Variants in IL1RAP observed in about 807,000 individuals in gnomAD.
IL1RAP encodes the protein interleukin 1 receptor accessory protein, also known as interleukin-1 receptor accessory protein.
Under a neutral mutation model 60.7 loss-of-function variants are expected in IL1RAP, and 35 were observed. The ratio of observed to expected loss-of-function variants is 0.58; its 90% CI spans 0.44 to 0.76. The LOEUF is 0.76. IL1RAP is among the 30% of genes least tolerant of loss of function. IL1RAP has a pLI of 0.00. For synonymous variants in IL1RAP, 268 were observed against 250.9 expected (o/e 1.07, Z -0.64); for missense variants, 572 against 693.9 (o/e 0.82, Z 1.97).
chr3:190,645,453 G>A (rs1733946554), intron 10 of IL1RAP, among the ~76,000 whole-genome samples: 1 of 152,088 alleles, frequency 6.6e-6, no homozygotes. Flanking sequence ...CAGTTGAATG[G>A]GACAAACCTC....
intron 6 of IL1RAP, among the ~76,000 whole-genome samples, chr3:190,620,870 A>C (rs1015705): frequency 0.68 from 103,876 of 152,068 alleles, 35,985 homozygotes; most frequent in East Asian, 0.81. Context: ...CTTTTGTCAA[A>C]AGAATGTTTT....
At chr3:190,633,126 A>G (rs1229200342) in intron 9 of IL1RAP, among the ~76,000 whole-genome samples, 1 of 152,156 alleles carries the variant, frequency 6.6e-6, no homozygotes, top group Non-Finnish European at 1.5e-5. Context: ...CCATTTCTAC[A>G]TAAAGGCCTG....
intron 3 of IL1RAP, among the ~76,000 whole-genome samples, chr3:190,571,981 A>G (rs1466067769): frequency 6.6e-6 from 1 of 152,206 alleles, no homozygotes; most frequent in East Asian, 1.9e-4. Context: ...AGATATACAA[A>G]TTATTGTTCC....
intron 3 of IL1RAP, among the ~76,000 whole-genome samples, chr3:190,578,869 G>A (rs1727732996): frequency 6.6e-6 from 1 of 152,134 alleles, no homozygotes; most frequent in Non-Finnish European, 1.5e-5. Context: ...GATCTCATGA[G>A]ACTATCATGA....
At chr3:190,619,727 C>CAAAA (rs113083710) in intron 5 of IL1RAP, among the ~76,000 whole-genome samples, 3 of 129,660 alleles carry the variant, frequency 2.3e-5, no homozygotes, top group African/African-American at 8.5e-5. Flanking sequence ...GACCCTATCT[C>CAAAA]AAAAAAAAAA....
chr3:190,521,452 A>G (rs1722010182), intron 1 of IL1RAP, among the ~76,000 whole-genome samples: 1 of 149,460 alleles, frequency 6.7e-6, no homozygotes, highest in South Asian at 2.1e-4. Context: ...CTCCAAGATT[A>G]TGTCATTTTT....
chr3:190,521,524 C>T (rs1374500535), intron 1 of IL1RAP, among the ~76,000 whole-genome samples: 1 of 151,666 alleles, frequency 6.6e-6, no homozygotes, highest in Non-Finnish European at 1.5e-5. Flanking sequence ...CTCCAGACTC[C>T]TTGCTTTCAC....
At chr3:190,551,488 C>T (rs1166172794) in intron 1 of IL1RAP, among the ~76,000 whole-genome samples, 1 of 152,180 alleles carries the variant, frequency 6.6e-6, no homozygotes, top group Non-Finnish European at 1.5e-5. Context: ...TTATTAAAGG[C>T]TGTAAATAGT....
intron 3 of IL1RAP, among the ~76,000 whole-genome samples, chr3:190,566,995 C>T (rs1298943016): frequency 6.6e-6 from 1 of 152,206 alleles, no homozygotes; most frequent in Non-Finnish European, 1.5e-5. Flanking sequence ...AACCCTAAAG[C>T]AATCTACATG....
At chr3:190,645,897 T>C in intron 11 of IL1RAP, 55 bp downstream of exon 11, 1 of 1,505,384 alleles carries the variant, frequency 6.6e-7, no homozygotes, top group Non-Finnish European at 9.1e-7. Flanking sequence ...GACAGAATCA[T>C]TAGTTTTGCA....
chr3:190,598,300 G>C (rs961939752), intron 3 of IL1RAP, among the ~76,000 whole-genome samples: 1 of 152,008 alleles, frequency 6.6e-6, no homozygotes, highest in Non-Finnish European at 1.5e-5. Flanking sequence ...GACTCCATTT[G>C]CTATCCAACT....
intron 1 of IL1RAP, among the ~76,000 whole-genome samples, chr3:190,525,172 C>G (rs931792251): frequency 4.0e-5 from 6 of 151,896 alleles, no homozygotes; most frequent in African/African-American, 1.5e-4. Flanking sequence ...AGACAACAGA[C>G]AAACAGAAGA....
At chr3:190,528,561 A>G (rs1722704274) in intron 1 of IL1RAP, among the ~76,000 whole-genome samples, 1 of 152,220 alleles carries the variant, frequency 6.6e-6, no homozygotes, top group South Asian at 2.1e-4. Flanking sequence ...TTGGACAATA[A>G]GCATTTTCTG....
intron 9 of IL1RAP, among the ~76,000 whole-genome samples, chr3:190,643,281 G>A (rs1438083788): frequency 6.6e-6 from 1 of 152,090 alleles, no homozygotes; most frequent in African/African-American, 2.4e-5. Context: ...TTCGAGCATA[G>A]ACTTGGAAAC....
intron 5 of IL1RAP, 134 bp downstream of exon 5, chr3:190,609,315 A>ACCAC: frequency 1.7e-6 from 1 of 583,170 alleles, no homozygotes; most frequent in Non-Finnish European, 2.8e-6. Context: ...GCTTTATGGA[A>ACCAC]GTATTTCAGC....
intron 3 of IL1RAP, among the ~76,000 whole-genome samples, chr3:190,571,492 G>T (rs1384352357): frequency 2.0e-5 from 3 of 152,028 alleles, no homozygotes; most frequent in African/African-American, 7.3e-5. Flanking sequence ...CTCCAGCCTG[G>T]GCGACAGAAC....
At chr3:190,612,278 T>G (rs1560212854) in intron 5 of IL1RAP, among the ~76,000 whole-genome samples, 1 of 152,088 alleles carries the variant, frequency 6.6e-6, no homozygotes, top group Admixed American at 6.6e-5. Context: ...AAAAATAATA[T>G]TAACAGTTTT....
chr3:190,634,454 A>T (rs1560233580), intron 9 of IL1RAP, among the ~76,000 whole-genome samples: 1 of 147,860 alleles, frequency 6.8e-6, no homozygotes, highest in African/African-American at 2.5e-5. Context: ...ATACCAGCGA[A>T]TTTTTTTTTT....
intron 1 of IL1RAP, among the ~76,000 whole-genome samples, chr3:190,545,546 T>C (rs184197648): frequency 1.3e-5 from 2 of 152,284 alleles, no homozygotes; most frequent in East Asian, 3.9e-4. Flanking sequence ...GCTGAGATTG[T>C]TGCTAAGCAG....
Sources: gnomAD v4.1 joint callset for allele counts (sites outside exome capture counted in the v4.1 genomes callset) on GRCh38, gnomAD v4.1.1 for gene constraint, MANE v1.5 for transcripts, NCBI Gene and HGNC (gene_info 2026-07-23, HGNC 2026-07-21) for gene names.